The following DISP3 variants were observed in gnomAD, a reference collection of about 807,000 sequenced individuals.
DISP3 encodes protein dispatched homolog 3.
In DISP3, 101 loss-of-function variants were observed where a neutral mutation model predicts 135.3. The observed-to-expected ratio is 0.75, with a 90% CI of 0.64 to 0.88. DISP3 has a LOEUF of 0.88. Ranked by LOEUF, DISP3 falls within the 40% of genes least tolerant of loss-of-function variation. The pLI is 0.00. For synonymous variants in DISP3, 856 were observed against 817.0 expected, an observed-to-expected ratio of 1.05 and a Z score of -0.81; for missense variants, 1,713 against 1,878.6, an observed-to-expected ratio of 0.91 and a Z score of 1.63.
At position 11,522,629 on chromosome 1, in the gene DISP3, GCCCAGCCAGA is replaced by G. The variant is rs1642244653; in HGVS notation, c.2363-1312_2363-1303del. Among the ~76,000 whole-genome samples the G allele has an allele frequency of 2.4e-3, 62 of 25,720 alleles. 1 individual carries two copies. Among genetic ancestry groups the G allele is most frequent in the Admixed American group, 5.5e-3 (14 of 2,564 alleles). 16.9% of individuals were successfully genotyped at this position (25,720 alleles called of 152,430 possible). A position where few individuals can be genotyped will look rare whatever the true frequency, so the allele number is the denominator to read the frequency against. On this transcript the variant is annotated intron_variant, in intron 10 of 20. Transcript: ENST00000294484. Reference sequence around the variant, plus strand: ...AGAGCCCAGCCAGGACCCAGCCAGAGCCCAGCCAGAGCCCAGCCAGGGCCCAGCCAGAGCC... The same window carrying G: ...AGAGCCCAGCCAGGACCCAGCCAGAGGCCCAGCCAGGGCCCAGCCAGAGCC...
intron 1 of DISP3, among the ~76,000 whole-genome samples, chr1:11,496,375 A>T (rs1183546312): frequency 6.6e-6 from 1 of 152,018 alleles, no homozygotes; most frequent in East Asian, 1.9e-4. Context: ...TGAGAGAGAG[A>T]CAGAGACAGA....
chr1:11,487,390 A>G (rs542563060), intron 1 of DISP3, among the ~76,000 whole-genome samples: 102 of 152,288 alleles, frequency 6.7e-4, no homozygotes, highest in Non-Finnish European at 1.3e-3. Flanking sequence ...CTCTGGGGTA[A>G]TGGGGCGGCT....
At chr1:11,488,595 G>A (rs1473883467) in intron 1 of DISP3, among the ~76,000 whole-genome samples, 2 of 152,030 alleles carry the variant, frequency 1.3e-5, no homozygotes, top group African/African-American at 4.8e-5. Flanking sequence ...TCCAGCCAGC[G>A]CTGTACCTAA....
chr1:11,501,726 A>T lies in DISP3; in HGVS notation c.734A>T (p.Asn245Ile). The T allele has an allele frequency of 6.3e-7, 1 of 1,596,600 alleles. No individual in the cohort carries two copies. The highest frequency in any genetic ancestry group is 1.3e-5 in the African/African-American group (1 of 74,756). Residue 245 changes from asparagine (N) to isoleucine (I), a missense_variant, in exon 2 of 21, where the codon AAT becomes ATT. This residue lies in a region of DISP3 where 571 missense variants were observed against 494.1 expected (regional missense o/e 1.16). Coordinates refer to ENST00000294484, the MANE Select transcript of DISP3 (RefSeq NM_020780.2). The surrounding 1 kb of genome is among the most constrained non-coding windows in gnomAD (Gnocchi z 4.9). ...CCGCCCCACGCGGCAGTCGCGGCCA[A>T]TCAGAGCCGTGCCCGCCGAGGCGCC... ...SIPPHAAVAA[N>I]QSRARRGASR...
In DISP3 at chr1:11,516,363, A is replaced by G. The variant is rs957430826; in HGVS notation, c.1749+202A>G. On this transcript the variant is annotated intron_variant, in intron 6 of 20. Coordinates refer to ENST00000294484, the MANE Select transcript of DISP3 (RefSeq NM_020780.2). The surrounding 1 kb of genome is among the most constrained non-coding windows in gnomAD (Gnocchi z 5.1). ...GTGGGAATATTATAATAATCCAGAC[A>G]GCATGCATTAGGGATCCTCAGTAGT... Among the ~76,000 whole-genome samples, 6 of 152,340 alleles carry G rather than the reference A, an allele frequency of 3.9e-5. No individual in the cohort carries two copies. Among genetic ancestry groups the G allele is most frequent in the African/African-American group, 1.2e-4 (5 of 41,582 alleles).
At chr1:11,532,958 G>A (rs151121638) in intron 17 of DISP3, among the ~76,000 whole-genome samples, 1,525 of 151,832 alleles carry the variant, frequency 0.01, 17 homozygotes, top group Non-Finnish European at 0.015. Flanking sequence ...CACCCACCTC[G>A]GCCTCCCAAA....
chr1:11,518,514 C>A (rs1173020781), intron 7 of DISP3, among the ~76,000 whole-genome samples: 1 of 152,202 alleles, frequency 6.6e-6, no homozygotes, highest in African/African-American at 2.4e-5. Context: ...GAAGCAGCGT[C>A]ATGGGGAAAG....
chr1:11,525,091 C>A, intron 11 of DISP3, 85 bp from the exon 12 acceptor site: 1 of 1,523,870 alleles, frequency 6.6e-7, no homozygotes, highest in Non-Finnish European at 9.0e-7. Context: ...CGTTAGTCGA[C>A]AGAGCTGAGG....
rs541493611 is a variant in DISP3 at position 11,534,284 on chromosome 1, A to G, written c.3376-97A>G. On this transcript the variant is annotated intron_variant, in intron 17 of 20. Transcript: ENST00000294484. ...TCACACCCTCCCCAACACACGCACC[A>G]CTCCATTGGTGGCCGCAGAACAGAC... 1.4e-4 allele frequency: 205 copies of G among 1,436,728 alleles called. No homozygotes were observed. The African/African-American group carries it at 2.7e-3, about 19-fold the overall frequency. 89.0% of individuals were successfully genotyped at this position (1,436,728 alleles called of 1,614,324 possible). A position where few individuals can be genotyped will look rare whatever the true frequency, so the allele number is the denominator to read the frequency against.
rs117334785 is a variant in DISP3, at chr1:11,491,535, C to T, written c.-3-9455C>T. Among the ~76,000 whole-genome samples, 86 of 152,136 alleles carry T rather than the reference C, an allele frequency of 5.7e-4. No individual in the cohort carries two copies. Among genetic ancestry groups the T allele is most frequent in the African/African-American group, 1.7e-3 (72 of 41,504 alleles). On this transcript the variant is annotated intron_variant, in intron 1 of 20. Coordinates refer to ENST00000294484, the MANE Select transcript of DISP3 (RefSeq NM_020780.2). This position sits in a 1 kb window ranked among gnomAD's most constrained non-coding sequence, Gnocchi z 4.3. ...CTGAGCGGGGAGGACCACTCGAGCCCGGGAGGTCGAGGCTGCAGTGAACCA... is the reference window on the plus strand; with the variant it reads ...CTGAGCGGGGAGGACCACTCGAGCCTGGGAGGTCGAGGCTGCAGTGAACCA...
Position 11,520,632 on chromosome 1 carries a change from T to C in DISP3, c.2201-55T>C. 3 of 1,577,890 alleles carry C rather than the reference T, an allele frequency of 1.9e-6. No individual in the cohort carries two copies. The highest frequency in any genetic ancestry group is 2.6e-6 in the Non-Finnish European group (3 of 1,157,098). ...GTCTCCCGGCACTTTGGAGCCCCAC[T>C]GGGAACAGACCAGCTGGGCCCAGCC... is the stretch of plus-strand genomic sequence containing the variant. On this transcript the variant is annotated intron_variant, in intron 9 of 20. Coordinates refer to ENST00000294484, the MANE Select transcript of DISP3 (RefSeq NM_020780.2). The surrounding 1 kb of genome is among the most constrained non-coding windows in gnomAD (Gnocchi z 4.8).
intron 13 of DISP3, among the ~76,000 whole-genome samples, chr1:11,527,982 G>A (rs554254353): frequency 2.6e-5 from 4 of 152,242 alleles, no homozygotes; most frequent in African/African-American, 9.6e-5. Context: ...GAGCACACAG[G>A]CATCCTGTGG....
Position 11,531,068 on chromosome 1 carries a change from G to C in DISP3, c.3229+35G>C, listed in dbSNP as rs1215366555. ...GTGTGGGGAGCTGGTTCCTCCGAGG[G>C]AGGATGGACTGACTGGGGAGGCACA... On this transcript the variant is annotated intron_variant, in intron 16 of 20. Coordinates refer to ENST00000294484, the MANE Select transcript of DISP3 (RefSeq NM_020780.2). This position sits in a 1 kb window ranked among gnomAD's most constrained non-coding sequence, Gnocchi z 5.2. 1 of 1,609,928 alleles carries C rather than the reference G, an allele frequency of 6.2e-7. No homozygotes were observed. The highest frequency in any genetic ancestry group is 8.5e-7 in the Non-Finnish European group (1 of 1,179,356).
intron 10 of DISP3, among the ~76,000 whole-genome samples, chr1:11,521,249 A>G (rs868684650): frequency 2.1e-4 from 26 of 122,432 alleles, no homozygotes; most frequent in African/African-American, 7.8e-4. Context: ...CCAGGCTGGG[A>G]GGGGAGAGGA....
chr1:11,506,997 A>T lies in DISP3; in HGVS notation c.1316+4100A>T, dbSNP rs975780055. ...TTTGTTTTTGTTTTTGTTTTGAGACAGCGTTTCACTATGTTGCCCACACTG... is the reference window on the plus strand; with the variant it reads ...TTTGTTTTTGTTTTTGTTTTGAGACTGCGTTTCACTATGTTGCCCACACTG... On this transcript the variant is annotated intron_variant, in intron 3 of 20. Transcript: ENST00000294484. Among the ~76,000 whole-genome samples, 12 of 152,108 alleles carry T rather than the reference A, an allele frequency of 7.9e-5. No individual in the cohort carries two copies. In the East Asian group the frequency reaches 2.3e-3, roughly 29 times the overall value.
chr1:11,510,687 A>G (rs539856164), intron 3 of DISP3, among the ~76,000 whole-genome samples: 1 of 152,072 alleles, frequency 6.6e-6, no homozygotes, highest in African/African-American at 2.4e-5. Context: ...AACATCTCTT[A>G]TAGGCCGAGC....
intron 1 of DISP3, among the ~76,000 whole-genome samples, chr1:11,495,124 G>A (rs959472204): frequency 5.3e-5 from 8 of 152,182 alleles, no homozygotes; most frequent in African/African-American, 1.2e-4. Flanking sequence ...TGGGTGTGGC[G>A]GCTCACACCT....
intron 1 of DISP3, among the ~76,000 whole-genome samples, chr1:11,482,157 C>T (rs1317010347): frequency 6.6e-6 from 1 of 152,174 alleles, no homozygotes; most frequent in Non-Finnish European, 1.5e-5. Context: ...TCCCCTATTC[C>T]CCTAGTCCTC....
Position 11,520,899 on chromosome 1 carries a change from A to G in DISP3, c.2362+51A>G. The G allele has an allele frequency of 6.5e-7, 1 of 1,528,646 alleles. No individual in the cohort carries two copies. Among genetic ancestry groups the G allele is most frequent in the Non-Finnish European group, 8.8e-7 (1 of 1,132,292 alleles). 94.7% of individuals were successfully genotyped at this position (1,528,646 alleles called of 1,614,324 possible). A position where few individuals can be genotyped will look rare whatever the true frequency, so the allele number is the denominator to read the frequency against. ...TGGCCCGCTCAGGTGTCCGGGTCCC[A>G]AAGACTGTTGGTCTGAGAGATGCAG... On this transcript the variant is annotated intron_variant, in intron 10 of 20. Transcript: ENST00000294484. This position sits in a 1 kb window ranked among gnomAD's most constrained non-coding sequence, Gnocchi z 4.8.
Sources: allele counts gnomAD v4.1 joint callset (sites outside exome capture counted in the v4.1 genomes callset), GRCh38; gene constraint gnomAD v4.1.1; regional missense constraint gnomAD v4.1.1; non-coding constraint Gnocchi (gnomAD v3.1); transcripts MANE v1.5; gene names NCBI Gene and HGNC (gene_info 2026-07-23, HGNC 2026-07-21).